GRIPAP1: variants seen among roughly 807,000 people sequenced by gnomAD.
GRIPAP1 encodes the protein GRIP1 associated protein 1.
In GRIPAP1, 14 loss-of-function variants were observed where a neutral mutation model predicts 84.1. That is an observed-to-expected ratio of 0.17 (90% CI 0.11 to 0.26). GRIPAP1 has a LOEUF of 0.26. Ranked by LOEUF, GRIPAP1 falls within the 10% of genes least tolerant of loss-of-function variation. GRIPAP1 has a pLI of 1.00. For missense variants in GRIPAP1, 518 were observed against 674.2 expected, an observed-to-expected ratio of 0.77 and a Z score of 2.57; for synonymous variants, 261 against 256.8, an observed-to-expected ratio of 1.02 and a Z score of -0.15.
chrX:48,981,891 G>C lies in GRIPAP1; in HGVS notation c.1600-19C>G. ...GGGATTCCTACAAGACAAGTCCCAG[G>C]TCTGGCCACAGCCCCCCAGAAGGTA... On this transcript the variant is annotated intron_variant, in intron 17 of 25. Coordinates refer to ENST00000376423, the MANE Select transcript of GRIPAP1 (RefSeq NM_020137.5). 1 of 1,102,620 alleles carries C rather than the reference G, an allele frequency of 9.1e-7. No homozygotes were observed. Among genetic ancestry groups the C allele is most frequent in the Non-Finnish European group, 1.2e-6 (1 of 819,807 alleles). 90.9% of individuals were successfully genotyped at this position (1,102,620 alleles called of 1,213,427 possible). A position where few individuals can be genotyped will look rare whatever the true frequency, so the allele number is the denominator to read the frequency against.
rs782239531 is a variant in GRIPAP1, at chrX:48,974,268, G to A, written c.2451C>T (p.Ser817=). ...CCTTGCTGAGCCGCACAATTTCCTG[G>A]GACAGAACTTCCATATCCTAAGAAA... The part of the protein sequence containing the change: ...MHLHKDMEVL[S]QEIVRLSKEC... Residue 817 remains serine, a synonymous_variant, in exon 26 of 26, where the codon TCC becomes TCT. Transcript: ENST00000376423. The A allele has an allele frequency of 8.3e-7, 1 of 1,199,678 alleles. No homozygotes were observed. Among genetic ancestry groups the A allele is most frequent in the Non-Finnish European group, 1.1e-6 (1 of 884,815 alleles).
chrX:48,983,649 A>G, intron 15 of GRIPAP1, 126 bp downstream of exon 15: 1 of 573,121 alleles, frequency 1.7e-6, no homozygotes, highest in Non-Finnish European at 3.0e-6. Context: ...CTGGTCAACC[A>G]GAAACCAGTC....
At chrX:48,989,565 A>T (rs1301517128) in intron 11 of GRIPAP1, 46 bp downstream of exon 11, 1 of 849,245 alleles carries the variant, frequency 1.2e-6, no homozygotes, top group Non-Finnish European at 1.8e-6. Flanking sequence ...CCAGGCTCCC[A>T]GTCCTGGCCC....
At chrX:48,999,557 C>G in intron 1 of GRIPAP1, 53 bp from the exon 2 acceptor site, 1 of 913,427 alleles carries the variant, frequency 1.1e-6, no homozygotes, top group Non-Finnish European at 1.6e-6. Context: ...GCCCCTACCC[C>G]TACCATGAGG....
Position 48,991,147 on chromosome X carries a change from G to C in GRIPAP1, c.458-37C>G, listed in dbSNP as rs782134828. On this transcript the variant is annotated intron_variant, in intron 6 of 25. Transcript: ENST00000376423. The stretch of plus-strand genomic sequence containing the variant: ...AACAGGGATATATGATGGATGAGGT[G>C]GTCTCTGAAGTCCCTTGCCATGCCT... 77 of 997,201 alleles carry C rather than the reference G, an allele frequency of 7.7e-5. No individual in the cohort carries two copies. The East Asian group carries it at 1.6e-3, about 20-fold the overall frequency. 82.2% of individuals were successfully genotyped at this position (997,201 alleles called of 1,213,427 possible). A position where few individuals can be genotyped will look rare whatever the true frequency, so the allele number is the denominator to read the frequency against.
At chrX:48,987,237 C>G (rs186479157) in intron 13 of GRIPAP1, among the ~76,000 whole-genome samples, 28 of 104,586 alleles carry the variant, frequency 2.7e-4, no homozygotes, top group Middle Eastern at 4.8e-3. Context: ...CAACCTCCGC[C>G]TCCTGGGTTC....
intron 21 of GRIPAP1, among the ~76,000 whole-genome samples, chrX:48,978,829 AG>A (rs1159502807): frequency 9.4e-6 from 1 of 105,962 alleles, no homozygotes; most frequent in African/African-American, 3.6e-5. Flanking sequence ...AAGGAGGCGG[AG>A]GTTACAGTGA....
At chrX:48,976,540 T>C (rs1362096086) in intron 22 of GRIPAP1, among the ~76,000 whole-genome samples, 177 bp from the exon 23 acceptor site, 2 of 111,340 alleles carry the variant, frequency 1.8e-5, no homozygotes, top group African/African-American at 6.5e-5. Flanking sequence ...TCTGCCTAAA[T>C]GGGGGTAGAG....
In GRIPAP1 at chrX:48,983,273, C is replaced by T; in HGVS notation, c.1440G>A (p.Lys480=). The T allele has an allele frequency of 8.2e-7, 1 of 1,212,582 alleles. No individual in the cohort carries two copies. The highest frequency in any genetic ancestry group is 1.1e-6 in the Non-Finnish European group (1 of 895,609). ...ERELRELHED[K]KRQEEELRGQ... ...CACGGAGCTCCTCCTCCTGACGCTT[C>T]TTGTCTTCATGCAGCTCTCGGAGCT... Residue 480 remains lysine, a synonymous_variant, in exon 16 of 26, where the codon AAG becomes AAA. Transcript: ENST00000376423.
rs782757382 is a variant in GRIPAP1 at position 48,990,047 on chromosome X, T to C, written c.691-44A>G. The C allele has an allele frequency of 7.8e-6, 8 of 1,023,207 alleles. No homozygotes were observed. In the Admixed American group the frequency reaches 8.8e-5, roughly 11 times the overall value. The allele number at this position is 1,023,207 out of a possible 1,213,427, so 84.3% of individuals were successfully genotyped here. On this transcript the variant is annotated intron_variant, in intron 8 of 25. Transcript: ENST00000376423. ...ACAAGTGATAACATTGAGAATAATA[T>C]AAAGACAAACCTAAAATTAATAAAT...
chrX:48,982,930 A>G (rs782429529), intron 17 of GRIPAP1, 49 bp downstream of exon 17: 2 of 815,058 alleles, frequency 2.5e-6, no homozygotes, highest in Non-Finnish European at 3.7e-6. Flanking sequence ...GTGGTTTGAC[A>G]TGAGGGCCCC....
Position 48,991,031 on chromosome X carries a change from C to G in GRIPAP1, c.537G>C (p.Leu179=). 8.4e-7 allele frequency: 1 copy of G among 1,194,550 alleles called. No individual in the cohort carries two copies. Among genetic ancestry groups the G allele is most frequent in the Non-Finnish European group, 1.1e-6 (1 of 880,815 alleles). Residue 179 remains leucine, a synonymous_variant, in exon 7 of 26, where the codon CTG becomes CTC. Transcript: ENST00000376423. ...SEGQGDPPGG[L]APTVLAPMPL... ...GCATGGGGGCCAGGACGGTGGGGGC[C>G]AGGCCCCCTGGGGGATCCCCCTGGC...
At chrX:48,997,477 T>C (rs1446379311) in intron 4 of GRIPAP1, 120 bp from the exon 5 acceptor site, 2 of 480,583 alleles carry the variant, frequency 4.2e-6, no homozygotes, top group African/African-American at 4.9e-5. Context: ...GTACAGAGAA[T>C]GAGGTGATAT....
intron 6 of GRIPAP1, among the ~76,000 whole-genome samples, chrX:48,991,721 T>A (rs1456353484): frequency 8.9e-6 from 1 of 111,887 alleles, no homozygotes; most frequent in African/African-American, 3.2e-5. Context: ...GCGCTTGTAA[T>A]CCCAGCTACT....
chrX:48,990,044 A>G, intron 8 of GRIPAP1, 41 bp from the exon 9 acceptor site: 3 of 1,034,538 alleles, frequency 2.9e-6, no homozygotes, highest in Non-Finnish European at 4.0e-6. Context: ...ATTGAGAATA[A>G]TATAAAGACA....
At chrX:48,982,866 T>C (rs1274329352) in intron 17 of GRIPAP1, 113 bp downstream of exon 17, 1 of 507,510 alleles carries the variant, frequency 2.0e-6, no homozygotes, top group Non-Finnish European at 3.5e-6. Flanking sequence ...TGTGGGGATA[T>C]CCCTAAGTCC....
chrX:48,992,200 T>A (rs782210289), intron 6 of GRIPAP1, among the ~76,000 whole-genome samples: 296 of 111,768 alleles, frequency 2.6e-3, no homozygotes, highest in African/African-American at 9.2e-3. Flanking sequence ...GAAATGGGGT[T>A]TTGCCATGTT....
chrX:48,999,233 G>A lies in GRIPAP1; in HGVS notation c.171+5C>T, dbSNP rs1045424266. On this transcript the variant is annotated splice_donor_5th_base_variant and intron_variant, in intron 3 of 25. Transcript: ENST00000376423. ...GTAGGTGGATGGGTGGGTGGAGGGA[G>A]GTACCTTCTGAGCTTTGCTGAACTC... 1 of 1,194,791 alleles carries A rather than the reference G, an allele frequency of 8.4e-7. No individual in the cohort carries two copies. Among genetic ancestry groups the A allele is most frequent in the East Asian group, 3.0e-5 (1 of 33,785 alleles).
chrX:48,994,879 A>G (rs2147747654), intron 5 of GRIPAP1, among the ~76,000 whole-genome samples: 1 of 111,805 alleles, frequency 8.9e-6, no homozygotes, highest in Non-Finnish European at 1.9e-5. Context: ...AGATTAAATG[A>G]GTGAATAATG....
Sources: allele counts gnomAD v4.1 joint callset (sites outside exome capture counted in the v4.1 genomes callset), GRCh38; gene constraint gnomAD v4.1.1; transcripts MANE v1.5; gene names NCBI Gene and HGNC (gene_info 2026-07-23, HGNC 2026-07-21).